The following NSMCE2 variants were observed in gnomAD, a reference collection of about 807,000 sequenced individuals.
NSMCE2 encodes the protein NSE2 SUMO ligase component of SMC5/6 complex, also known as E3 SUMO-protein ligase NSE2.
In NSMCE2, 24 loss-of-function variants were observed where a neutral mutation model predicts 23.8. That is an observed-to-expected ratio of 1.01 (90% CI 0.73 to 1.42). NSMCE2 has a LOEUF of 1.42. Among genes scored for constraint, NSMCE2 ranks in the 40% most tolerant of loss-of-function variants. The pLI is 0.00. For missense variants in NSMCE2, 284 were observed against 296.5 expected (o/e 0.96, Z 0.31); for synonymous variants, 92 against 94.1 (o/e 0.98, Z 0.13).
intron 3 of NSMCE2, among the ~76,000 whole-genome samples, chr8:125,104,571 A>C (rs1818366552): frequency 1.3e-5 from 2 of 152,162 alleles, no homozygotes; most frequent in South Asian, 4.1e-4. Flanking sequence ...TGTTCACTTT[A>C]TAGCTGTCAG....
intron 3 of NSMCE2, among the ~76,000 whole-genome samples, chr8:125,135,268 C>G (rs1820005787): frequency 6.6e-6 from 1 of 152,110 alleles, no homozygotes; most frequent in African/African-American, 2.4e-5. Context: ...CCAGGTTGGT[C>G]TCAAATTCCT....
intron 4 of NSMCE2, among the ~76,000 whole-genome samples, chr8:125,165,234 C>A (rs1821816083): frequency 6.6e-6 from 1 of 152,186 alleles, no homozygotes; most frequent in African/African-American, 2.4e-5. Flanking sequence ...AGGTAAAGTA[C>A]TTAATTTATG....
intron 5 of NSMCE2, among the ~76,000 whole-genome samples, chr8:125,295,529 C>T (rs780323455): frequency 3.3e-5 from 5 of 152,162 alleles, no homozygotes; most frequent in African/African-American, 1.2e-4. Context: ...ACACACAGGT[C>T]GGAATTCTCT....
At chr8:125,139,494 A>G (rs76855826) in intron 3 of NSMCE2, among the ~76,000 whole-genome samples, 1 of 152,242 alleles carries the variant, frequency 6.6e-6, no homozygotes, top group Non-Finnish European at 1.5e-5. Flanking sequence ...TCACAGTTCC[A>G]CATGGCTGGG....
intron 5 of NSMCE2, among the ~76,000 whole-genome samples, chr8:125,281,763 G>A (rs4294203): frequency 0.89 from 133,905 of 150,542 alleles, 59,678 homozygotes; most frequent in African/African-American, 0.95. Context: ...TTTTTTTTAA[G>A]GAGATGGGGT....
intron 3 of NSMCE2, among the ~76,000 whole-genome samples, chr8:125,141,117 T>G (rs1000460546): frequency 6.6e-6 from 1 of 152,202 alleles, no homozygotes; most frequent in Non-Finnish European, 1.5e-5. Context: ...TTCATATACT[T>G]TATTTCAAAC....
At chr8:125,272,846 T>TAC (rs10635587) in intron 5 of NSMCE2, among the ~76,000 whole-genome samples, 119,068 of 139,672 alleles carry the variant, frequency 0.85, 50,876 homozygotes, top group Middle Eastern at 0.9. Flanking sequence ...CACACGTATA[T>TAC]ACACACACAC....
intron 3 of NSMCE2, among the ~76,000 whole-genome samples, chr8:125,113,585 A>G (rs1367638181): frequency 6.6e-6 from 1 of 152,252 alleles, no homozygotes; most frequent in South Asian, 2.1e-4. Context: ...AAAAAGAATC[A>G]TAAGGAAAAT....
chr8:125,192,854 A>G (rs1188811537), intron 5 of NSMCE2, among the ~76,000 whole-genome samples: 2 of 152,200 alleles, frequency 1.3e-5, no homozygotes, highest in African/African-American at 4.8e-5. Flanking sequence ...ATGATGATAG[A>G]TGATGATGAC....
chr8:125,183,506 C>A (rs1386381514), intron 5 of NSMCE2, among the ~76,000 whole-genome samples: 1 of 152,040 alleles, frequency 6.6e-6, no homozygotes, highest in Non-Finnish European at 1.5e-5. Flanking sequence ...AATAATTTGC[C>A]AATGGCTTTC....
intron 5 of NSMCE2, among the ~76,000 whole-genome samples, chr8:125,221,190 G>A (rs1485610454): frequency 6.6e-6 from 1 of 152,198 alleles, no homozygotes; most frequent in Non-Finnish European, 1.5e-5. Context: ...AAAGGGGATA[G>A]TCTAAATGAG....
At chr8:125,346,453 G>A (rs892727775) in intron 5 of NSMCE2, among the ~76,000 whole-genome samples, 3 of 152,206 alleles carry the variant, frequency 2.0e-5, no homozygotes, top group African/African-American at 4.8e-5. Context: ...TGAGTGCAAA[G>A]GGCGCTCCTT....
chr8:125,349,217 A>G (rs1812924731), intron 5 of NSMCE2, among the ~76,000 whole-genome samples: 1 of 152,218 alleles, frequency 6.6e-6, no homozygotes, highest in Non-Finnish European at 1.5e-5. Context: ...TGGCACAGAT[A>G]CATACTCACA....
At chr8:125,159,916 C>T (rs761586795) in intron 4 of NSMCE2, among the ~76,000 whole-genome samples, 3 of 150,878 alleles carry the variant, frequency 2.0e-5, no homozygotes, top group African/African-American at 2.4e-5. Context: ...GCCATGATGG[C>T]GCCACTGCAC....
chr8:125,283,818 C>T (rs1419221524), intron 5 of NSMCE2, among the ~76,000 whole-genome samples: 1 of 152,122 alleles, frequency 6.6e-6, no homozygotes, highest in Non-Finnish European at 1.5e-5. Flanking sequence ...TCAACTCAGG[C>T]ATTTGATCCA....
chr8:125,166,786 C>T (rs929847063), intron 4 of NSMCE2, among the ~76,000 whole-genome samples: 11 of 152,126 alleles, frequency 7.2e-5, no homozygotes, highest in African/African-American at 2.4e-4. Context: ...GTTTAGAGTG[C>T]CTCAATAAGA....
rs578153709 is a variant in NSMCE2 at position 125,266,936 on chromosome 8, G to A, written c.418+84680G>A. 2.6e-5 allele frequency among the ~76,000 whole-genome samples: 4 copies of A among 151,392 alleles called. No homozygotes were observed. In the East Asian group the frequency reaches 7.8e-4, roughly 29 times the overall value. ...ACAAAAACTTTATTTATAAATAAAG[G>A]TAATCTGAACATTTGGTTTGAGCAT... On this transcript the variant is annotated intron_variant, in intron 5 of 7. Coordinates refer to ENST00000287437, the MANE Select transcript of NSMCE2 (RefSeq NM_173685.4).
chr8:125,150,493 G>T (rs1175992372), intron 3 of NSMCE2, among the ~76,000 whole-genome samples: 1 of 116,984 alleles, frequency 8.5e-6, no homozygotes, highest in Non-Finnish European at 1.6e-5. Context: ...GAGTGCAATA[G>T]CATGATCTCA....
At chr8:125,320,698 A>G (rs1397924026) in intron 5 of NSMCE2, among the ~76,000 whole-genome samples, 2 of 152,204 alleles carry the variant, frequency 1.3e-5, no homozygotes, top group Non-Finnish European at 2.9e-5. Context: ...ACATACAAAC[A>G]ATAAAAGAAT....
Sources: gnomAD v4.1 joint callset for allele counts (sites outside exome capture counted in the v4.1 genomes callset) on GRCh38, gnomAD v4.1.1 for gene constraint, MANE v1.5 for transcripts, NCBI Gene and HGNC (gene_info 2026-07-23, HGNC 2026-07-21) for gene names.